Variants in ABCD3 observed in about 807,000 individuals in gnomAD.
ABCD3 encodes ATP binding cassette subfamily D member 3.
ABCD3 carries 41 observed loss-of-function variants against 105.5 expected under a neutral mutation model. That is an observed-to-expected ratio of 0.39 (90% CI 0.30 to 0.50). The LOEUF (loss-of-function observed/expected upper bound fraction) is 0.50, where lower values mean the gene tolerates loss of function less well. Ranked by LOEUF, ABCD3 falls within the 20% of genes least tolerant of loss-of-function variation. ABCD3 has a pLI of 0.84. For synonymous variants in ABCD3, 258 were observed against 269.0 expected (o/e 0.96, Z 0.40); for missense variants, 622 against 806.3 (o/e 0.77, Z 2.77).
intron 22 of ABCD3, among the ~76,000 whole-genome samples, chr1:94,516,429 G>A (rs930063587): frequency 3.3e-5 from 5 of 151,858 alleles, no homozygotes; most frequent in South Asian, 2.1e-4. Context: ...TTAAAATATA[G>A]CCAAGCCTTT....
chr1:94,419,600 A>G (rs1232280294), intron 1 of ABCD3, among the ~76,000 whole-genome samples: 3 of 152,180 alleles, frequency 2.0e-5, no homozygotes, highest in African/African-American at 7.2e-5. Context: ...TATTTCATTC[A>G]TTCCTCTGAG....
At chr1:94,401,118 G>T in the ABCD3 span, among the ~76,000 whole-genome samples, 2 of 152,112 alleles carry the variant, frequency 1.3e-5, no homozygotes, top group East Asian at 3.9e-4. Context: ...CAGAATGTAA[G>T]AAATAAATTA....
intron 1 of ABCD3, among the ~76,000 whole-genome samples, chr1:94,450,714 T>C (rs573534261): frequency 6.6e-6 from 1 of 152,312 alleles, no homozygotes; most frequent in African/African-American, 2.4e-5. Context: ...CCACACTCTA[T>C]ATTTCTGTGT....
chr1:94,447,692 T>C (rs1382427208), intron 1 of ABCD3, among the ~76,000 whole-genome samples: 1 of 152,372 alleles, frequency 6.6e-6, no homozygotes, highest in South Asian at 2.1e-4. Context: ...CCCAATGTTA[T>C]GATCACTTGC....
intron 16 of ABCD3, among the ~76,000 whole-genome samples, chr1:94,497,080 A>G (rs1202483272): frequency 1.3e-5 from 2 of 152,156 alleles, no homozygotes; most frequent in African/African-American, 2.4e-5. Context: ...CTTAGTTGTC[A>G]TATTCAATAA....
chr1:94,468,135 T>G (rs898386585), intron 4 of ABCD3, 128 bp downstream of exon 4: 18 of 764,924 alleles, frequency 2.4e-5, no homozygotes, highest in Non-Finnish European at 3.8e-5. Context: ...AATTATGTGT[T>G]TGTTCATTTA....
At chr1:94,480,922 T>C (rs1649001746) in intron 9 of ABCD3, among the ~76,000 whole-genome samples, 1 of 152,206 alleles carries the variant, frequency 6.6e-6, no homozygotes, top group Non-Finnish European at 1.5e-5. Flanking sequence ...CCAAGACAAT[T>C]TTGTCTCAAT....
upstream of ABCD3, among the ~76,000 whole-genome samples, chr1:94,418,211 G>A (rs1179612029): frequency 6.6e-6 from 1 of 152,192 alleles, no homozygotes; most frequent in Non-Finnish European, 1.5e-5. Flanking sequence ...CGCGTTTCCG[G>A]AGACCCTGAA....
the ABCD3 span, among the ~76,000 whole-genome samples, chr1:94,398,780 G>A: frequency 9.2e-5 from 14 of 152,216 alleles, no homozygotes; most frequent in African/African-American, 3.4e-4. Flanking sequence ...TGGACATAGT[G>A]GCGGGCACCT....
At chr1:94,455,825 G>A (rs953267771) in intron 1 of ABCD3, 3 of 1,278,832 alleles carry the variant, frequency 2.3e-6, no homozygotes, top group African/African-American at 3.1e-5. Context: ...GTGTACATGT[G>A]TATATATATA....
the ABCD3 span, among the ~76,000 whole-genome samples, chr1:94,404,040 T>TATACACAC: frequency 3.9e-5 from 6 of 152,152 alleles, no homozygotes; most frequent in Non-Finnish European, 7.4e-5. Context: ...ACTTATCACA[T>TATACACAC]ATACACACAT....
rs767019118 is a variant in ABCD3 at position 94,418,512 on chromosome 1, A to T, written c.34A>T (p.Asn12Tyr). The T allele has an allele frequency of 1.4e-5, 22 of 1,605,560 alleles. No homozygotes were observed. The East Asian group carries it at 4.7e-4, about 34-fold the overall frequency. The stretch of plus-strand genomic sequence containing the variant: ...CTTCAGCAAGTACTTGACGGCGCGA[A>T]ACTCCTCGCTGGCTGGTGCCGCGTT... ...AAFSKYLTARNSSLAGAAFLL... is the reference protein window; with the variant it reads ...AAFSKYLTARYSSLAGAAFLL... Residue 12 changes from asparagine to tyrosine, a missense_variant, in exon 1 of 23, where the codon AAC (asparagine) becomes TAC (tyrosine). Coordinates refer to ENST00000370214, the MANE Select transcript of ABCD3 (RefSeq NM_002858.4).
chr1:94,487,748 C>T lies in ABCD3; in HGVS notation c.1022C>T (p.Ser341Phe). The stretch of plus-strand genomic sequence containing the variant: ...GTCAGTCGCCCTTTCTTAGATTTGT[C>T]TCATCCTCGACATCTCAAGAGTACA... ...LVVSRPFLDL[S>F]HPRHLKSTHS... The change falls in exon 12 of 23, where the codon TCT becomes TTT. Residue 341 changes from serine to phenylalanine, a missense_variant. Transcript: ENST00000370214. 6.2e-7 allele frequency: 1 copy of T among 1,613,984 alleles called. No homozygotes were observed. The highest frequency in any genetic ancestry group is 8.5e-7 in the Non-Finnish European group (1 of 1,179,958).
chr1:94,453,733 TG>T (rs1647387225), intron 1 of ABCD3, among the ~76,000 whole-genome samples: 1 of 151,928 alleles, frequency 6.6e-6, no homozygotes. Flanking sequence ...TATCTATTTT[TG>T]TGCTCATTTT....
chr1:94,459,728 C>G (rs1647775354), intron 2 of ABCD3, among the ~76,000 whole-genome samples: 1 of 152,110 alleles, frequency 6.6e-6, no homozygotes, highest in Non-Finnish European at 1.5e-5. Context: ...ATTTTCATCT[C>G]TCCAAAAAAA....
chr1:94,422,845 A>G (rs1222609633), intron 1 of ABCD3, among the ~76,000 whole-genome samples: 1 of 151,778 alleles, frequency 6.6e-6, no homozygotes, highest in Non-Finnish European at 1.5e-5. Flanking sequence ...AAGGCAGGGA[A>G]TGGTACCAGT....
At chr1:94,467,812 C>T in intron 3 of ABCD3, 107 bp from the exon 4 acceptor site, 2 of 741,128 alleles carry the variant, frequency 2.7e-6, no homozygotes, top group Non-Finnish European at 4.8e-6. Context: ...TATATTGAAA[C>T]TTACATAAAG....
intron 1 of ABCD3, among the ~76,000 whole-genome samples, chr1:94,458,289 C>G (rs1185764162): frequency 6.6e-6 from 1 of 152,126 alleles, no homozygotes; most frequent in African/African-American, 2.4e-5. Context: ...GTTTACATGG[C>G]CAAGCTATGA....
intron 21 of ABCD3, among the ~76,000 whole-genome samples, chr1:94,510,805 A>G (rs1650629126): frequency 6.6e-6 from 1 of 152,092 alleles, no homozygotes; most frequent in African/African-American, 2.4e-5. Context: ...AGAGGCTAGG[A>G]TCACAACCCC....
Sources: allele counts gnomAD v4.1 joint callset (sites outside exome capture counted in the v4.1 genomes callset), GRCh38; gene constraint gnomAD v4.1.1; transcripts MANE v1.5; gene names NCBI Gene and HGNC (gene_info 2026-07-23, HGNC 2026-07-21).